The following SPATA7 variants were observed in gnomAD, a reference collection of about 807,000 sequenced individuals.
The protein encoded by SPATA7 is spermatogenesis associated 7, also known as spermatogenesis-associated protein 7.
In SPATA7, 43 loss-of-function variants were observed where a neutral mutation model predicts 51.8. The observed-to-expected ratio is 0.83, with a 90% confidence interval of 0.65 to 1.07. SPATA7 has a LOEUF of 1.07. SPATA7 is among the 50% of genes least tolerant of loss of function. SPATA7 has a pLI of 0.00. For synonymous variants in SPATA7, 230 were observed against 252.8 expected, an observed-to-expected ratio of 0.91 and a Z score of 0.86; for missense variants, 683 against 701.3, an observed-to-expected ratio of 0.97 and a Z score of 0.30.
chr14:88,435,844 T>G (rs1476257641), intron 10 of SPATA7, among the ~76,000 whole-genome samples: 2 of 152,180 alleles, frequency 1.3e-5, no homozygotes, highest in Non-Finnish European at 2.9e-5. Context: ...GGACACTTAG[T>G]TGCTTCCAAA....
chr14:88,453,542 G>T lies in SPATA7; in HGVS notation c.178-1518G>T, dbSNP rs563893476. Among the ~76,000 whole-genome samples, 4 of 152,280 alleles carry T rather than the reference G, an allele frequency of 2.6e-5. No homozygotes were observed. In the South Asian group the frequency reaches 8.3e-4, roughly 32 times the overall value. ...TGAATTACTTTATCCCAGACCTTGT[G>T]TGTTTTTGATTTCTCAGACCTCACG... is the stretch of plus-strand genomic sequence containing the variant. On this transcript the variant is annotated intron_variant, in intron 3 of 3. Transcript: ENST00000554802.
At chr14:88,408,464 T>A (rs553362605) in intron 4 of SPATA7, among the ~76,000 whole-genome samples, 109 of 152,342 alleles carry the variant, frequency 7.2e-4, no homozygotes, top group African/African-American at 2.5e-3. Flanking sequence ...TTTTGTATCC[T>A]GAGACTTTGC....
At chr14:88,443,423 C>CT (rs989460794), downstream of SPATA7, among the ~76,000 whole-genome samples, 1 of 151,990 alleles carries the variant, frequency 6.6e-6, no homozygotes, top group African/African-American at 2.4e-5. Flanking sequence ...CTTGAATCAT[C>CT]TTTTTTGTTT....
At position 88,426,500 on chromosome 14, in the gene SPATA7, A is replaced by G. The variant is rs777962911; in HGVS notation, c.641A>G (p.Gln214Arg). 2 of 1,614,232 alleles carry G rather than the reference A, an allele frequency of 1.2e-6. No homozygotes were observed. The highest frequency in any genetic ancestry group is 2.7e-5 in the African/African-American group (2 of 75,068). Residue 214 changes from glutamine to arginine, a missense_variant, in exon 6 of 12, where the codon CAG becomes CGG. Gln to Arg is a conservative substitution (Grantham distance 43). Transcript: ENST00000393545. ...ACATTCCCAAATTCCCACCGGTTTCAGTTAGTCATTTCGAAAGCACCCAGT... is the reference window on the plus strand; with the variant it reads ...ACATTCCCAAATTCCCACCGGTTTCGGTTAGTCATTTCGAAAGCACCCAGT... ...RSTFPNSHRF[Q>R]LVISKAPSGD...
chr14:88,407,801 G>T (rs148617986), intron 4 of SPATA7, among the ~76,000 whole-genome samples: 1 of 152,130 alleles, frequency 6.6e-6, no homozygotes, highest in East Asian at 1.9e-4. Flanking sequence ...GTAAGGAAGG[G>T]GTCCAGTTTC....
At chr14:88,450,857 A>G (rs1427061841) in intron 3 of SPATA7, among the ~76,000 whole-genome samples, 1 of 152,170 alleles carries the variant, frequency 6.6e-6, no homozygotes, top group Non-Finnish European at 1.5e-5. Context: ...AGCAGAGCTG[A>G]GGAAGTTTTC....
chr14:88,391,598 G>A (rs1335772335), intron 2 of SPATA7, 143 bp downstream of exon 2: 3 of 750,196 alleles, frequency 4.0e-6, no homozygotes, highest in African/African-American at 1.7e-5. Flanking sequence ...TGAAATATAG[G>A]CGTTCTTGAG....
rs2077148838 is a variant in SPATA7 at position 88,438,303 on chromosome 14, AC to A, written c.1682del (p.Thr561AsnfsTer30). ...TTCAAATGGATTATGTGGTCTTAAC[AC>A]ATCACCCTCCCAATCTGTTCAGTTC... ...EISNGLCGLN[T>X]SPSQSVQFSS... On this transcript the variant is annotated frameshift_variant, in exon 12 of 12. Coordinates refer to ENST00000393545, the MANE Select transcript of SPATA7 (RefSeq NM_018418.5). LOFTEE classifies it low-confidence loss of function (END_TRUNC). The A allele has an allele frequency of 6.2e-7, 1 of 1,613,926 alleles. No homozygotes were observed. Among genetic ancestry groups the A allele is most frequent in the African/African-American group, 1.3e-5 (1 of 74,926 alleles).
chr14:88,461,994 C>G (rs1228442958), intron 4 of SPATA7, among the ~76,000 whole-genome samples: 1 of 152,082 alleles, frequency 6.6e-6, no homozygotes, highest in Non-Finnish European at 1.5e-5. Flanking sequence ...GTTTTTTCAA[C>G]CTGTTTGTTG....
At chr14:88,400,151 A>C (rs2076017217) in intron 4 of SPATA7, among the ~76,000 whole-genome samples, 1 of 152,236 alleles carries the variant, frequency 6.6e-6, no homozygotes, top group Admixed American at 6.5e-5. Context: ...GAATGGAATA[A>C]AACTAATAAT....
chr14:88,469,193 G>A lies in SPATA7; in HGVS notation c.255-654G>A, dbSNP rs2140077881. On this transcript the variant is annotated intron_variant, in intron 4 of 4. Transcript: ENST00000556406. The surrounding 1 kb of genome is among the most constrained non-coding windows in gnomAD (Gnocchi z 4.3). Reference sequence around the variant, plus strand: ...GGACTGCAGATAAAGAGCACTGGGTGCCAGTGAACCAAACCCAACCACAAA... The same window carrying A: ...GGACTGCAGATAAAGAGCACTGGGTACCAGTGAACCAAACCCAACCACAAA... The A allele has an allele frequency of 8.4e-7, 1 of 1,185,176 alleles. No homozygotes were observed. The highest frequency in any genetic ancestry group is 1.2e-6 in the Non-Finnish European group (1 of 855,756). 73.4% of individuals were successfully genotyped at this position (1,185,176 alleles called of 1,614,324 possible). A position where few individuals can be genotyped will look rare whatever the true frequency, so the allele number is the denominator to read the frequency against.
chr14:88,415,492 T>G (rs2076451563), intron 4 of SPATA7, among the ~76,000 whole-genome samples: 1 of 150,844 alleles, frequency 6.6e-6, no homozygotes, highest in Non-Finnish European at 1.5e-5. Context: ...TCTTGTTTTT[T>G]GTTTTTTTTT....
At position 88,469,427 on chromosome 14, in the gene SPATA7, A is replaced by G. The variant is rs184930171; in HGVS notation, c.255-420A>G. ...AGATAACATAAAGGAAATATTTCGGAAACATAAATGTTCCTCTCTGTTTAA... is the reference window on the plus strand; with the variant it reads ...AGATAACATAAAGGAAATATTTCGGGAACATAAATGTTCCTCTCTGTTTAA... On this transcript the variant is annotated intron_variant, in intron 4 of 4. Transcript: ENST00000556406. The surrounding 1 kb of genome is among the most constrained non-coding windows in gnomAD (Gnocchi z 4.3). 3.1e-6 allele frequency: 4 copies of G among 1,305,374 alleles called. No homozygotes were observed. The East Asian group carries it at 6.9e-5, about 23-fold the overall frequency. The allele number at this position is 1,305,374 out of a possible 1,614,324, so 80.9% of individuals were successfully genotyped here.
Position 88,433,235 on chromosome 14 carries a change from T to C in SPATA7, c.1160+23T>C, listed in dbSNP as rs775508873. 18 of 1,499,464 alleles carry C rather than the reference T, an allele frequency of 1.2e-5. No homozygotes were observed. The African/African-American group carries it at 2.2e-4, about 18-fold the overall frequency. The allele number at this position is 1,499,464 out of a possible 1,614,324, so 92.9% of individuals were successfully genotyped here. A position where few individuals can be genotyped will look rare whatever the true frequency, so the allele number is the denominator to read the frequency against. On this transcript the variant is annotated intron_variant, in intron 10 of 11. Transcript: ENST00000393545. ...CAGGTTAGTTTTTTTAATGGTGTTA[T>C]GTTAATTCAGGAGTACATTAAATAT...
At chr14:88,449,959 T>C (rs531615715) in intron 3 of SPATA7, among the ~76,000 whole-genome samples, 26 of 152,074 alleles carry the variant, frequency 1.7e-4, no homozygotes, top group Non-Finnish European at 3.5e-4. Flanking sequence ...ATCCCACTGG[T>C]ATTTTGTTGG....
intron 4 of SPATA7, among the ~76,000 whole-genome samples, chr14:88,414,401 A>G (rs1204998675): frequency 6.6e-6 from 1 of 152,090 alleles, no homozygotes; most frequent in Non-Finnish European, 1.5e-5. Context: ...GGTCTGTTGT[A>G]ATGTTGCCTT....
At position 88,416,841 on chromosome 14, in the gene SPATA7, A is replaced by G. The variant is rs2076493190; in HGVS notation, c.369A>G (p.Gln123=). 6.3e-7 allele frequency: 1 copy of G among 1,583,840 alleles called. No homozygotes were observed. The highest frequency in any genetic ancestry group is 1.4e-5 in the African/African-American group (1 of 74,048). The change falls in exon 5 of 12, where the codon CAA becomes CAG. Residue 123 remains glutamine, a synonymous_variant. Transcript: ENST00000393545. The part of the protein sequence containing the change: ...NNSKSLFNTL[Q]KPSGEPQIED... ...CCAAGTCACTTTTTAATACCTTACA[A>G]AAGGTAAGATAGTATTTTTATTTTT...
At chr14:88,426,125 A>T in intron 5 of SPATA7, 107 bp from the exon 6 acceptor site, 1 of 787,994 alleles carries the variant, frequency 1.3e-6, no homozygotes, top group Non-Finnish European at 2.2e-6. Flanking sequence ...CATATCAGTT[A>T]ATTTTGTAAA....
chr14:88,438,016 A>C lies in SPATA7; in HGVS notation c.1394A>C (p.Gln465Pro), dbSNP rs1566790629. ...GAAGTAACAATTCAGCAGGAACGTC[A>C]ACAATACCAAAAGGCTTTGGATATG... ...ESEVTIQQERQQYQKALDMLL... is the reference protein window; with the variant it reads ...ESEVTIQQERPQYQKALDMLL... Residue 465 changes from glutamine (Q) to proline (P), a missense_variant, in exon 12 of 12, where the codon CAA becomes CCA. Physicochemically the swap from Gln to Pro is moderately conservative, Grantham distance 76. Coordinates refer to ENST00000393545, the MANE Select transcript of SPATA7 (RefSeq NM_018418.5). 1 of 1,614,120 alleles carries C rather than the reference A, an allele frequency of 6.2e-7. No homozygotes were observed. The highest frequency in any genetic ancestry group is 8.5e-7 in the Non-Finnish European group (1 of 1,180,002).
Sources: gnomAD v4.1 joint callset for allele counts (sites outside exome capture counted in the v4.1 genomes callset) on GRCh38, gnomAD v4.1.1 for gene constraint, Gnocchi (gnomAD v3.1) non-coding constraint, MANE v1.5 for transcripts, NCBI Gene and HGNC (gene_info 2026-07-23, HGNC 2026-07-21) for gene names.